The following NFYA variants were observed in gnomAD, a reference collection of about 807,000 sequenced individuals.
NFYA encodes nuclear transcription factor Y subunit alpha.
NFYA carries 28 observed loss-of-function variants against 52.8 expected under a neutral mutation model. That is an observed-to-expected ratio of 0.53 (90% CI 0.39 to 0.73). NFYA has a LOEUF of 0.73. Among genes scored for constraint, NFYA ranks in the 30% least tolerant of loss-of-function variants. NFYA has a pLI of 0.00. For synonymous variants in NFYA, 150 were observed against 150.7 expected (o/e 1.00, Z 0.03); for missense variants, 234 against 427.0 (o/e 0.55, Z 3.98).
At chr6:41,087,346 GT>G (rs967412595) in intron 4 of NFYA, among the ~76,000 whole-genome samples, 2 of 152,086 alleles carry the variant, frequency 1.3e-5, no homozygotes, top group Non-Finnish European at 2.9e-5. Flanking sequence ...CCATTGACCT[GT>G]TTTTTTCACC....
At chr6:41,080,134 A>T (rs1763866163) in intron 2 of NFYA, among the ~76,000 whole-genome samples, 1 of 152,200 alleles carries the variant, frequency 6.6e-6, no homozygotes. Context: ...CTCTTAAAGC[A>T]GTCCAGTTGG....
At chr6:41,078,341 T>G (rs1763797744) in intron 1 of NFYA, among the ~76,000 whole-genome samples, 1 of 152,188 alleles carries the variant, frequency 6.6e-6, no homozygotes, top group Admixed American at 6.5e-5. Context: ...AGCAGCTCAG[T>G]TAGGTCACGT....
intron 1 of NFYA, among the ~76,000 whole-genome samples, chr6:41,073,564 C>T (rs1269186284): frequency 6.6e-6 from 1 of 152,054 alleles, no homozygotes; most frequent in East Asian, 1.9e-4. Context: ...GGGCCCGCGC[C>T]CCCCGCTCCC....
rs1300157978 is a variant in NFYA at position 41,101,824 on chromosome 6, ATTCCC to A, written c.*4415_*4419del. 2.0e-5 allele frequency among the ~76,000 whole-genome samples: 3 copies of A among 152,176 alleles called. No individual in the cohort carries two copies. Among genetic ancestry groups the A allele is most frequent in the African/African-American group, 7.2e-5 (3 of 41,452 alleles). On this transcript the variant is annotated 3_prime_UTR_variant, in exon 10 of 10. Transcript: ENST00000341376. ...GGAAGCAGAGAGGGTGGTCCTTTGG[ATTCCC>A]AGTGGCAGCAGCAACCAACCTGGCC... is the stretch of plus-strand genomic sequence containing the variant.
chr6:41,078,483 A>C (rs1271307210), intron 1 of NFYA, among the ~76,000 whole-genome samples: 1 of 75,686 alleles, frequency 1.3e-5, no homozygotes, highest in Non-Finnish European at 2.5e-5. Context: ...TTGCTAACTT[A>C]TATCATTTTA....
intron 3 of NFYA, among the ~76,000 whole-genome samples, chr6:41,081,185 A>T (rs1763894767): frequency 6.6e-6 from 1 of 152,222 alleles, no homozygotes; most frequent in Non-Finnish European, 1.5e-5. Flanking sequence ...CTTATAAGTG[A>T]CATTAGAATT....
At chr6:41,092,814 G>A (rs939717021) in intron 7 of NFYA, 98 bp from the exon 8 acceptor site, 37 of 1,279,286 alleles carry the variant, frequency 2.9e-5, no homozygotes, top group African/African-American at 4.5e-5. Context: ...ATTACTTTTT[G>A]TGGCATTTAC....
intron 4 of NFYA, among the ~76,000 whole-genome samples, chr6:41,085,966 A>G (rs1764032838): frequency 6.6e-6 from 1 of 152,196 alleles, no homozygotes; most frequent in Non-Finnish European, 1.5e-5. Flanking sequence ...GCCCACTGGC[A>G]TATTTTTGCC....
chr6:41,092,643 T>C (rs967783870), intron 7 of NFYA, among the ~76,000 whole-genome samples: 34 of 152,316 alleles, frequency 2.2e-4, no homozygotes, highest in Admixed American at 2.2e-3. Flanking sequence ...AGCAGAAATA[T>C]CTAGAGCCAT....
chr6:41,073,473 C>T (rs1763603127), intron 1 of NFYA, among the ~76,000 whole-genome samples: 1 of 152,044 alleles, frequency 6.6e-6, no homozygotes, highest in Non-Finnish European at 1.5e-5. Context: ...TCGGCGATTT[C>T]CTCCTGGTCG....
In NFYA at chr6:41,098,243, T is replaced by A. The variant is rs1235940103; in HGVS notation, c.*833T>A. ...TAGAGAACAAGACTATTCAACAACT[T>A]CTTTGCTGAAGCACTGAGGAGATTT... On this transcript the variant is annotated 3_prime_UTR_variant, in exon 10 of 10. Transcript: ENST00000341376. 1.3e-5 allele frequency: 2 copies of A among 152,634 alleles called. No individual in the cohort carries two copies. The highest frequency in any genetic ancestry group is 2.9e-5 in the Non-Finnish European group (2 of 68,064). 9.5% of individuals were successfully genotyped at this position (152,634 alleles called of 1,614,324 possible).
At position 41,101,547 on chromosome 6, in the gene NFYA, C is replaced by T. The variant is rs1052070495; in HGVS notation, c.*4137C>T. On this transcript the variant is annotated 3_prime_UTR_variant, in exon 10 of 10. Coordinates refer to ENST00000341376, the MANE Select transcript of NFYA (RefSeq NM_002505.5). ...ATTCGTTCAGTTAATTCGTTCTTGG[C>T]GTCATAAGTATATGCCCGCCGTTGT... Among the ~76,000 whole-genome samples, 104 of 152,112 alleles carry T rather than the reference C, an allele frequency of 6.8e-4. 2 individuals are homozygous for T. Among genetic ancestry groups the T allele is most frequent in the Non-Finnish European group, 2.1e-4 (14 of 68,016 alleles).
At chr6:41,083,647 T>C (rs574556483) in intron 3 of NFYA, among the ~76,000 whole-genome samples, 20 of 152,308 alleles carry the variant, frequency 1.3e-4, no homozygotes, top group African/African-American at 4.8e-4. Context: ...TCAACCACCA[T>C]CACCACCATC....
chr6:41,097,719 T>C lies in NFYA; in HGVS notation c.*309T>C, dbSNP rs1244517661. ...CAGTACACAAAGCACTTACCTTGAC[T>C]GGTGAAGTCAGCCAGCCATCTCAGC... On this transcript the variant is annotated 3_prime_UTR_variant, in exon 10 of 10. Transcript: ENST00000341376. The C allele has an allele frequency of 3.9e-6, 1 of 256,234 alleles. No individual in the cohort carries two copies. The highest frequency in any genetic ancestry group is 2.2e-5 in the African/African-American group (1 of 45,000). 15.9% of individuals were successfully genotyped at this position (256,234 alleles called of 1,614,324 possible). A position where few individuals can be genotyped will look rare whatever the true frequency, so the allele number is the denominator to read the frequency against.
intron 4 of NFYA, among the ~76,000 whole-genome samples, chr6:41,087,092 A>G (rs555320060): frequency 6.6e-6 from 1 of 152,254 alleles, no homozygotes; most frequent in Non-Finnish European, 1.5e-5. Flanking sequence ...ACGTTTATGT[A>G]TTTATACAAA....
chr6:41,101,119 G>A lies in NFYA; in HGVS notation c.*3709G>A, dbSNP rs1294411487. ...GACCTACTGGTCTTTCGGAAGCCTC[G>A]GGGATGGGAACCCGAGCTCGCCACG... On this transcript the variant is annotated 3_prime_UTR_variant, in exon 10 of 10. Transcript: ENST00000341376. 6.6e-6 allele frequency: 1 copy of A among 152,240 alleles called. No individual in the cohort carries two copies. The highest frequency in any genetic ancestry group is 1.9e-4 in the East Asian group (1 of 5,176). The allele number at this position is 152,240 out of a possible 1,614,324, so 9.4% of individuals were successfully genotyped here.
chr6:41,101,198 C>G lies in NFYA; in HGVS notation c.*3788C>G, dbSNP rs974238253. On this transcript the variant is annotated 3_prime_UTR_variant, in exon 10 of 10. Coordinates refer to ENST00000341376, the MANE Select transcript of NFYA (RefSeq NM_002505.5). ...TGACGGGTGAGGGCGACGGCCGGCA[C>G]TTGCACTTAAGTCTCCTGGCCTGCG... is the stretch of plus-strand genomic sequence containing the variant. The G allele has an allele frequency of 6.6e-6, 1 of 152,406 alleles. No homozygotes were observed. The highest frequency in any genetic ancestry group is 2.4e-5 in the African/African-American group (1 of 41,594). 9.4% of individuals were successfully genotyped at this position (152,406 alleles called of 1,614,324 possible). A position where few individuals can be genotyped will look rare whatever the true frequency, so the allele number is the denominator to read the frequency against.
intron 4 of NFYA, among the ~76,000 whole-genome samples, chr6:41,085,228 T>C (rs1003840554): frequency 8.5e-5 from 13 of 152,176 alleles, no homozygotes; most frequent in Admixed American, 3.9e-4. Flanking sequence ...ATCTGTCCTA[T>C]AGGAAGAAAA....
rs1764507226 is a variant in NFYA, at chr6:41,101,775, A to G, written c.*4365A>G. Among the ~76,000 whole-genome samples the G allele has an allele frequency of 6.6e-6, 1 of 152,036 alleles. No homozygotes were observed. The highest frequency in any genetic ancestry group is 6.5e-5 in the Admixed American group (1 of 15,270). On this transcript the variant is annotated 3_prime_UTR_variant, in exon 10 of 10. Transcript: ENST00000341376. ...TAGGGGAAAGAGCTGGCTCCAGATG[A>G]AAAGGGCACCATCTCCAGCTCTTGG...
Sources: gnomAD v4.1 joint callset for allele counts (sites outside exome capture counted in the v4.1 genomes callset) on GRCh38, gnomAD v4.1.1 for gene constraint, MANE v1.5 for transcripts, NCBI Gene and HGNC (gene_info 2026-07-23, HGNC 2026-07-21) for gene names.